The following MMRN2 variants were observed in gnomAD, a reference collection of about 807,000 sequenced individuals.
The protein encoded by MMRN2 is multimerin 2.
MMRN2 carries 53 observed loss-of-function variants against 68.8 expected under a neutral mutation model. The observed-to-expected ratio is 0.77, with a 90% CI of 0.62 to 0.97. MMRN2 has a LOEUF of 0.97. Among genes scored for constraint, MMRN2 ranks in the 50% least tolerant of loss-of-function variants. The probability of loss-of-function intolerance (pLI) is 0.00; values close to 1 mark genes in which losing one functional copy is unlikely to be tolerated. For synonymous variants in MMRN2, 564 were observed against 551.6 expected (o/e 1.02, Z -0.32); for missense variants, 1,266 against 1,259.5 (o/e 1.01, Z -0.08).
chr10:86,947,244 G>A (rs1403124264), intron 1 of MMRN2, among the ~76,000 whole-genome samples: 1 of 152,192 alleles, frequency 6.6e-6, no homozygotes, highest in African/African-American at 2.4e-5. Context: ...AGCATTCAGA[G>A]GCCTTGGTGA....
intron 6 of MMRN2, among the ~76,000 whole-genome samples, chr10:86,938,979 A>G (rs1394493828): frequency 6.6e-6 from 1 of 151,076 alleles, no homozygotes; most frequent in Non-Finnish European, 1.5e-5. Context: ...CGTGACCAAC[A>G]TGGAGAAATC....
At chr10:86,938,650 G>T (rs1843913247) in intron 6 of MMRN2, among the ~76,000 whole-genome samples, 1 of 152,182 alleles carries the variant, frequency 6.6e-6, no homozygotes, top group Non-Finnish European at 1.5e-5. Flanking sequence ...CTCTGTAGGG[G>T]TTTAAAACAA....
chr10:86,955,552 C>G (rs750120047), intron 1 of MMRN2, among the ~76,000 whole-genome samples: 15 of 152,230 alleles, frequency 9.9e-5, no homozygotes, highest in Non-Finnish European at 1.3e-4. Flanking sequence ...ATGCCTGGCC[C>G]TGGCAGCCGA....
rs142689484 is a variant in MMRN2, at chr10:86,943,709, C to G, written c.1075G>C (p.Gly359Arg). 201 of 1,609,296 alleles carry G rather than the reference C, an allele frequency of 1.2e-4. No individual in the cohort carries two copies. Among genetic ancestry groups the G allele is most frequent in the Non-Finnish European group, 1.5e-4 (180 of 1,180,002 alleles). ...TNGSLVLATPGAGARPEPDSL... is the reference protein window; with the variant it reads ...TNGSLVLATPRAGARPEPDSL... ...TCCGGCTCAGGCCTTGCCCCAGCCC[C>G]AGGCGTTGCCAACACCAGACTGCCA... The change falls in exon 6 of 7, where the codon GGG becomes CGG. Residue 359 changes from glycine (G) to arginine (R), a missense_variant. Physicochemically the swap from Gly to Arg is moderately radical, Grantham distance 125. Coordinates refer to ENST00000372027, the MANE Select transcript of MMRN2 (RefSeq NM_024756.3). This position sits in a 1 kb window ranked among gnomAD's most constrained non-coding sequence, Gnocchi z 4.2.
chr10:86,937,115 C>T lies in MMRN2; in HGVS notation c.2478G>A (p.Val826=), dbSNP rs751486675. ...CTTCTGAAAAGCTGGCATAGAAGGCCACAGGGGATCCTGAAACATAACAGG... is the reference window on the plus strand; with the variant it reads ...CTTCTGAAAAGCTGGCATAGAAGGCTACAGGGGATCCTGAAACATAACAGG... ...GAALWEAGSP[V]AFYASFSEGT... is the part of the protein sequence containing the mutation. Residue 826 remains valine, a synonymous_variant, in exon 7 of 7, where the codon GTG becomes GTA. Transcript: ENST00000372027. 4.6e-5 allele frequency: 75 copies of T among 1,613,956 alleles called. No homozygotes were observed. Among genetic ancestry groups the T allele is most frequent in the Non-Finnish European group, 5.4e-5 (64 of 1,179,952 alleles).
In MMRN2 at chr10:86,944,092, G is replaced by A; in HGVS notation, c.692C>T (p.Pro231Leu). The A allele has an allele frequency of 1.2e-6, 2 of 1,614,044 alleles. No homozygotes were observed. The highest frequency in any genetic ancestry group is 1.7e-6 in the Non-Finnish European group (2 of 1,179,990). ...PDRSLEQVLL[P>L]HVDTFLQVHF... The stretch of plus-strand genomic sequence containing the variant: ...CACTTGTAGGAAGGTGTCCACGTGG[G>A]GTAGCAGCACCTGCTCCAAGGATCT... Residue 231 changes from proline to leucine, a missense_variant, in exon 6 of 7, where the codon CCC (proline) becomes CTC (leucine). By Grantham distance (98) the Pro-to-Leu change is moderately conservative. Coordinates refer to ENST00000372027, the MANE Select transcript of MMRN2 (RefSeq NM_024756.3).
chr10:86,956,397 A>T (rs536251598), intron 1 of MMRN2, among the ~76,000 whole-genome samples: 1 of 152,304 alleles, frequency 6.6e-6, no homozygotes, highest in Non-Finnish European at 1.5e-5. Flanking sequence ...CCGCTCTGCG[A>T]TGGTGGCTCT....
Position 86,942,613 on chromosome 10 carries a change from G to C in MMRN2, c.2171C>G (p.Ala724Gly). The C allele has an allele frequency of 1.2e-6, 2 of 1,605,976 alleles. No individual in the cohort carries two copies. The highest frequency in any genetic ancestry group is 1.7e-6 in the Non-Finnish European group (2 of 1,179,638). The change falls in exon 6 of 7, where the codon GCC (alanine) becomes GGC (glycine). Residue 724 changes from alanine (A) to glycine (G), a missense_variant. Ala to Gly is a moderately conservative substitution (Grantham distance 60). Transcript: ENST00000372027. ...GCCGTGAAGGGAGGCGTTGAGGGAGGCGGCCCCGGCCCCGGCCTCGGCCTC... is the reference window on the plus strand; with the variant it reads ...GCCGTGAAGGGAGGCGTTGAGGGAGCCGGCCCCGGCCCCGGCCTCGGCCTC... The part of the protein sequence containing the change: ...CCEAEAGAGA[A>G]SLNASLHGLH...
At chr10:86,950,595 ATG>A (rs759904015) in intron 1 of MMRN2, among the ~76,000 whole-genome samples, 3 of 152,146 alleles carry the variant, frequency 2.0e-5, no homozygotes, top group Non-Finnish European at 4.4e-5. Flanking sequence ...GGGCTGTGGT[ATG>A]AGGGCAGCAG....
At chr10:86,940,645 G>A (rs955667341) in intron 6 of MMRN2, among the ~76,000 whole-genome samples, 1 of 152,252 alleles carries the variant, frequency 6.6e-6, no homozygotes, top group Non-Finnish European at 1.5e-5. Flanking sequence ...CAGAGCCTGG[G>A]TGCTTCCCAC....
Position 86,945,394 on chromosome 10 carries a change from T to A in MMRN2, c.376A>T (p.Thr126Ser), listed in dbSNP as rs1844051309. Residue 126 changes from threonine to serine, a missense_variant, in exon 3 of 7, where the codon ACG becomes TCG. Thr to Ser is a moderately conservative substitution (Grantham distance 58). Transcript: ENST00000372027. ...SLAWRCCPGY[T>S]GPNCEHHDSM... ...CCGTGGTGCTCGCAGTTGGGGCCCGTGTAGCCAGGGCAGCACCTCCAGGCC... is the reference window on the plus strand; with the variant it reads ...CCGTGGTGCTCGCAGTTGGGGCCCGAGTAGCCAGGGCAGCACCTCCAGGCC... The A allele has an allele frequency of 6.3e-7, 1 of 1,586,522 alleles. No homozygotes were observed.
At chr10:86,955,708 C>T (rs1382685373) in intron 1 of MMRN2, among the ~76,000 whole-genome samples, 2 of 152,212 alleles carry the variant, frequency 1.3e-5, no homozygotes, top group South Asian at 2.1e-4. Context: ...CAGGAAGCCG[C>T]GCGTTTCCTT....
In MMRN2 at chr10:86,944,269, T is replaced by G. The variant is rs1294853872; in HGVS notation, c.648A>C (p.Thr216=). 6.2e-7 allele frequency: 1 copy of G among 1,607,058 alleles called. No individual in the cohort carries two copies. Residue 216 remains threonine, a synonymous_variant, in exon 5 of 7, where the codon ACA becomes ACC. Transcript: ENST00000372027. ...CTAGAGCCTGCCACTCACCGTGCCC[T>G]GTTTGATTTGCTTCCATCACTGCAG... ...LTAAVMEANQ[T]GHEFPDRSLE...
At chr10:86,956,339 C>T (rs1460564381) in intron 1 of MMRN2, among the ~76,000 whole-genome samples, 1 of 152,212 alleles carries the variant, frequency 6.6e-6, no homozygotes, top group Admixed American at 6.5e-5. Context: ...GGAAAGCACC[C>T]AACAAACCTG....
Position 86,943,909 on chromosome 10 carries a change from T to C in MMRN2, c.875A>G (p.Lys292Arg). The change falls in exon 6 of 7, where the codon AAA (lysine) becomes AGA (arginine). Residue 292 changes from lysine (K) to arginine (R), a missense_variant. Physicochemically the swap from Lys to Arg is conservative, Grantham distance 26. Transcript: ENST00000372027. This position sits in a 1 kb window ranked among gnomAD's most constrained non-coding sequence, Gnocchi z 4.2. ...GTTCTCCTGGACCTTGGCCTCAAAT[T>C]TGGCACCAAGCTCCTGGAAGTCAGC... Reference protein sequence around the residue: ...ARADFQELGAKFEAKVQENTQ... With the variant: ...ARADFQELGARFEAKVQENTQ... The C allele has an allele frequency of 6.2e-7, 1 of 1,614,050 alleles. No homozygotes were observed. The highest frequency in any genetic ancestry group is 2.2e-5 in the East Asian group (1 of 44,880).
chr10:86,942,815 C>A lies in MMRN2; in HGVS notation c.1969G>T (p.Glu657Ter). 2 of 1,360,072 alleles carry A rather than the reference C, an allele frequency of 1.5e-6. No homozygotes were observed. Among genetic ancestry groups the A allele is most frequent in the African/African-American group, 1.5e-5 (1 of 65,344 alleles). The allele number at this position is 1,360,072 out of a possible 1,614,324, so 84.3% of individuals were successfully genotyped here. ...AGGGCCGTCACTCGGGCGGCCAGCTCGTCCCAGCCGAGCGCCTGCTCCTGC... is the reference window on the plus strand; with the variant it reads ...AGGGCCGTCACTCGGGCGGCCAGCTAGTCCCAGCCGAGCGCCTGCTCCTGC... ...GLQEQALGWDELAARVTALEQ... is the reference protein window; with the variant it reads ...GLQEQALGWD Residue 657 changes from glutamate (E) to a stop codon, truncating the protein, a stop_gained, in exon 6 of 7, where the codon GAG (glutamate) becomes TAG (stop). Coordinates refer to ENST00000372027, the MANE Select transcript of MMRN2 (RefSeq NM_024756.3). LOFTEE classifies it high-confidence loss of function.
At position 86,936,346 on chromosome 10, in the gene MMRN2, A is replaced by G. The variant is rs1361004984; in HGVS notation, c.*397T>C. The G allele has an allele frequency of 2.3e-6, 1 of 436,902 alleles. No homozygotes were observed. Among genetic ancestry groups the G allele is most frequent in the East Asian group, 3.2e-5 (1 of 31,044 alleles). The allele number at this position is 436,902 out of a possible 1,614,324, so 27.1% of individuals were successfully genotyped here. ...GGGAAGAATGTCTTTCTATCATACG[A>G]TAAGGGAGAAGAGAAGAGGAAGCAA... On this transcript the variant is annotated 3_prime_UTR_variant, in exon 7 of 7. Transcript: ENST00000372027.
In MMRN2 at chr10:86,943,898, T is replaced by C. The variant is rs769805644; in HGVS notation, c.886A>G (p.Lys296Glu). The C allele has an allele frequency of 3.1e-5, 50 of 1,613,944 alleles. No homozygotes were observed. The highest frequency in any genetic ancestry group is 3.2e-5 in the Non-Finnish European group (38 of 1,180,040). Residue 296 changes from lysine (K) to glutamate (E), a missense_variant, in exon 6 of 7, where the codon AAG (lysine) becomes GAG (glutamate). Physicochemically the swap from Lys to Glu is moderately conservative, Grantham distance 56. Transcript: ENST00000372027. This position sits in a 1 kb window ranked among gnomAD's most constrained non-coding sequence, Gnocchi z 4.2. ...ACTCTCTGAGTGTTCTCCTGGACCT[T>C]GGCCTCAAATTTGGCACCAAGCTCC... Reference protein sequence around the residue: ...FQELGAKFEAKVQENTQRVGQ... With the variant: ...FQELGAKFEAEVQENTQRVGQ...
At chr10:86,940,017 ATTTTTT>A (rs34638842) in intron 6 of MMRN2, among the ~76,000 whole-genome samples, 1 of 138,196 alleles carries the variant, frequency 7.2e-6, no homozygotes, top group Non-Finnish European at 1.5e-5. Flanking sequence ...CACCGGGCTA[ATTTTTT>A]TTTTTTTTTT....
Sources: allele counts gnomAD v4.1 joint callset (sites outside exome capture counted in the v4.1 genomes callset), GRCh38; gene constraint gnomAD v4.1.1; non-coding constraint Gnocchi (gnomAD v3.1); transcripts MANE v1.5; gene names NCBI Gene and HGNC (gene_info 2026-07-23, HGNC 2026-07-21).